Variants in TMEM134 observed in about 807,000 individuals in gnomAD.
TMEM134 encodes the protein transmembrane protein 134.
Under a neutral mutation model 26.2 loss-of-function variants are expected in TMEM134, and 36 were observed. The ratio of observed to expected loss-of-function variants is 1.37; its 90% CI spans 1.05 to 1.81. TMEM134 has a LOEUF of 1.81. Ranked by LOEUF, TMEM134 falls within the 40% of genes most tolerant of loss-of-function variation. TMEM134 has a pLI of 0.00. For synonymous variants in TMEM134, 133 were observed against 113.6 expected (o/e 1.17, Z -1.08); for missense variants, 339 against 263.5 (o/e 1.29, Z -1.98).
In TMEM134 at chr11:67,469,072, G is replaced by A; in HGVS notation, c.121C>T (p.Arg41Trp). 1 of 1,515,868 alleles carries A rather than the reference G, an allele frequency of 6.6e-7. No individual in the cohort carries two copies. The highest frequency in any genetic ancestry group is 1.2e-5 in the South Asian group (1 of 82,292). 93.9% of individuals were successfully genotyped at this position (1,515,868 alleles called of 1,614,324 possible). A position where few individuals can be genotyped will look rare whatever the true frequency, so the allele number is the denominator to read the frequency against. The change falls in exon 1 of 7, where the codon CGG becomes TGG. Residue 41 changes from arginine to tryptophan, a missense_variant. Physicochemically the swap from Arg to Trp is moderately radical, Grantham distance 101 (BLOSUM62 -3). Transcript: ENST00000308022. ...TCGTCAGCCACCTCGAACCGGGCCC[G>A]ACGCTCGAAGTGCAGCGGCCCAAAG... The part of the protein sequence containing the change: ...ARFGPLHFER[R>W]ARFEVADEDK...
intron 4 of TMEM134, 117 bp from the exon 5 acceptor site, chr11:67,465,217 C>T: frequency 6.5e-7 from 1 of 1,529,688 alleles, no homozygotes; most frequent in Non-Finnish European, 8.7e-7. Flanking sequence ...CAGAGACCCT[C>T]CCCAGGAAGC....
At chr11:67,468,806 C>T (rs548645402) in intron 1 of TMEM134, among the ~76,000 whole-genome samples, 3 of 152,292 alleles carry the variant, frequency 2.0e-5, no homozygotes, top group African/African-American at 7.2e-5. Flanking sequence ...GGCCCGGGCA[C>T]TGGGCTCTTC....
At chr11:67,467,934 G>GA in intron 2 of TMEM134, 94 bp downstream of exon 2, 1 of 1,164,342 alleles carries the variant, frequency 8.6e-7, no homozygotes, top group Non-Finnish European at 1.2e-6. Flanking sequence ...CGGGATGGAA[G>GA]AGAGTGAGTG....
At position 67,469,213 on chromosome 11, in the gene TMEM134, CCGT is replaced by C; in HGVS notation, c.-24_-22del. The stretch of plus-strand genomic sequence containing the variant: ...CTCATGGCCCCGGCCCGCTCAGGCG[CCGT>C]GCGCCGCCGCCATCTGCGCCCACAC... On this transcript the variant is annotated 5_prime_UTR_variant, in exon 1 of 7. Coordinates refer to ENST00000308022, the MANE Select transcript of TMEM134 (RefSeq NM_025124.4). 3.2e-6 allele frequency: 4 copies of C among 1,259,668 alleles called. No homozygotes were observed. Among genetic ancestry groups the C allele is most frequent in the African/African-American group, 1.6e-5 (1 of 64,374 alleles). 78.0% of individuals were successfully genotyped at this position (1,259,668 alleles called of 1,614,324 possible). A position where few individuals can be genotyped will look rare whatever the true frequency, so the allele number is the denominator to read the frequency against.
In TMEM134 at chr11:67,467,545, G is replaced by GAGCCTGCA. The variant is rs1298814716; in HGVS notation, c.284_285insTGCAGGCT (p.Thr96AlafsTer24). On this transcript the variant is annotated frameshift_variant, in exon 3 of 7. Coordinates refer to ENST00000308022, the MANE Select transcript of TMEM134 (RefSeq NM_025124.4). LOFTEE classifies it high-confidence loss of function. ...AGCGCTGGGTGCTGCTGCTGATGGT[G>GAGCCTGCA]CTGAAGGACCACTGGGAGCTGCGGA... 24 of 1,613,988 alleles carry GAGCCTGCA rather than the reference G, an allele frequency of 1.5e-5. No homozygotes were observed. Among genetic ancestry groups the GAGCCTGCA allele is most frequent in the Non-Finnish European group, 3.4e-6 (4 of 1,180,034 alleles).
chr11:67,464,405 GC>G lies in TMEM134; in HGVS notation c.*208del, dbSNP rs576673667. 3.8e-3 allele frequency: 2,294 copies of G among 611,212 alleles called. 8 individuals are homozygous for G. The highest frequency in any genetic ancestry group is 6.3e-3 in the Middle Eastern group (15 of 2,378). 37.9% of individuals were successfully genotyped at this position (611,212 alleles called of 1,614,324 possible). A position where few individuals can be genotyped will look rare whatever the true frequency, so the allele number is the denominator to read the frequency against. The stretch of plus-strand genomic sequence containing the variant: ...AGCACAAAATAACAGCAACCTAGCA[GC>G]CGCACGGCCCGAGAATAAGTTAAGG... On this transcript the variant is annotated 3_prime_UTR_variant, in exon 7 of 7. Coordinates refer to ENST00000308022, the MANE Select transcript of TMEM134 (RefSeq NM_025124.4).
rs1297390350 is a variant in TMEM134, at chr11:67,463,549, TTTC to T, written c.*1062_*1064del. ...GTGCTTAGCGCAGGGCCTAGTATAT[TTTC>T]TTTTCTTTTTTTTTTTTTAAATAGA... On this transcript the variant is annotated 3_prime_UTR_variant, in exon 7 of 7. Coordinates refer to ENST00000308022, the MANE Select transcript of TMEM134 (RefSeq NM_025124.4). 1 of 122,490 alleles carries T rather than the reference TTTC, an allele frequency of 8.2e-6. No homozygotes were observed. The highest frequency in any genetic ancestry group is 1.6e-5 in the Non-Finnish European group (1 of 61,970). The allele number at this position is 122,490 out of a possible 1,614,324, so 7.6% of individuals were successfully genotyped here. A position where few individuals can be genotyped will look rare whatever the true frequency, so the allele number is the denominator to read the frequency against.
At chr11:67,468,956 T>C in intron 1 of TMEM134, 63 bp downstream of exon 1, 2 of 1,388,424 alleles carry the variant, frequency 1.4e-6, no homozygotes, top group Non-Finnish European at 1.9e-6. Context: ...TTGAGGCCTT[T>C]GGGGCCCGGC....
rs200668561 is a variant in TMEM134 at position 67,465,102 on chromosome 11, T to G, written c.407-2A>C. On this transcript the variant is annotated splice_acceptor_variant, in intron 4 of 6. Coordinates refer to ENST00000308022, the MANE Select transcript of TMEM134 (RefSeq NM_025124.4). LOFTEE classifies it high-confidence loss of function. ...GTCCCACGCCGACCAGGATCAGCAC[T>G]GCACACAGACGGAGCCGCGGGGGTG... The G allele has an allele frequency of 1.3e-5, 21 of 1,583,758 alleles. No individual in the cohort carries two copies. Among genetic ancestry groups the G allele is most frequent in the Non-Finnish European group, 1.8e-5 (21 of 1,169,286 alleles).
chr11:67,468,782 G>T (rs1865453214), intron 1 of TMEM134, among the ~76,000 whole-genome samples: 1 of 152,208 alleles, frequency 6.6e-6, no homozygotes, highest in Non-Finnish European at 1.5e-5. Context: ...CTGGAGCTGA[G>T]GGATGAGCTC....
Position 67,464,502 on chromosome 11 carries a change from T to TA in TMEM134, c.*111dup. On this transcript the variant is annotated 3_prime_UTR_variant, in exon 7 of 7. Transcript: ENST00000308022. ...CCCCGAACTTCCTGAGCAAACTCCC[T>TA]AGGGGCTGGGGTTTCGAGGGTCCTG... is the stretch of plus-strand genomic sequence containing the variant. 8.5e-7 allele frequency: 1 copy of TA among 1,172,468 alleles called. No homozygotes were observed. Among genetic ancestry groups the TA allele is most frequent in the Non-Finnish European group, 1.2e-6 (1 of 810,600 alleles). The allele number at this position is 1,172,468 out of a possible 1,614,324, so 72.6% of individuals were successfully genotyped here.
Position 67,465,199 on chromosome 11 carries a change from G to A in TMEM134, c.407-99C>T, listed in dbSNP as rs754748575. The A allele has an allele frequency of 1.0e-5, 16 of 1,533,466 alleles. No homozygotes were observed. In the East Asian group the frequency reaches 3.2e-4, roughly 31 times the overall value. The allele number at this position is 1,533,466 out of a possible 1,614,324, so 95.0% of individuals were successfully genotyped here. A position where few individuals can be genotyped will look rare whatever the true frequency, so the allele number is the denominator to read the frequency against. The stretch of plus-strand genomic sequence containing the variant: ...CTCACCCACCACCTGAGCTGAAGGT[G>A]CCCTAGGCAGAGACCCTCCCCAGGA... On this transcript the variant is annotated intron_variant, in intron 4 of 6. Coordinates refer to ENST00000308022, the MANE Select transcript of TMEM134 (RefSeq NM_025124.4).
At chr11:67,465,553 G>C (rs1401060093) in intron 4 of TMEM134, among the ~76,000 whole-genome samples, 1 of 142,778 alleles carries the variant, frequency 7.0e-6, no homozygotes, top group South Asian at 2.4e-4. Context: ...CTGGACTTTG[G>C]GCTCTGCAAC....
Position 67,465,118 on chromosome 11 carries a change from C to T in TMEM134, c.407-18G>A, listed in dbSNP as rs1335691011. 1 of 1,567,530 alleles carries T rather than the reference C, an allele frequency of 6.4e-7. No individual in the cohort carries two copies. Among genetic ancestry groups the T allele is most frequent in the Non-Finnish European group, 8.6e-7 (1 of 1,162,130 alleles). On this transcript the variant is annotated intron_variant, in intron 4 of 6. Transcript: ENST00000308022. ...GATCAGCACTGCACACAGACGGAGC[C>T]GCGGGGGTGGGGGCAGGAGCAGTGG... is the stretch of plus-strand genomic sequence containing the variant.
chr11:67,464,890 G>A (rs1210970016), intron 5 of TMEM134, 34 bp from the exon 6 acceptor site: 1 of 1,607,444 alleles, frequency 6.2e-7, no homozygotes, highest in Non-Finnish European at 8.5e-7. Flanking sequence ...TCAGGGCGAG[G>A]GGGCGGAGGC....
At position 67,463,543 on chromosome 11, in the gene TMEM134, G is replaced by A. The variant is rs1329891171; in HGVS notation, c.*1071C>T. ...TGTTCAGTGCTTAGCGCAGGGCCTAGTATATTTTCTTTTCTTTTTTTTTTT... is the reference window on the plus strand; with the variant it reads ...TGTTCAGTGCTTAGCGCAGGGCCTAATATATTTTCTTTTCTTTTTTTTTTT... On this transcript the variant is annotated 3_prime_UTR_variant, in exon 7 of 7. Coordinates refer to ENST00000308022, the MANE Select transcript of TMEM134 (RefSeq NM_025124.4). 7.1e-6 allele frequency: 1 copy of A among 141,472 alleles called. No individual in the cohort carries two copies. Among genetic ancestry groups the A allele is most frequent in the African/African-American group, 2.9e-5 (1 of 34,514 alleles). The allele number at this position is 141,472 out of a possible 1,614,324, so 8.8% of individuals were successfully genotyped here.
intron 4 of TMEM134, 106 bp downstream of exon 4, chr11:67,467,206 C>T: frequency 9.2e-7 from 1 of 1,085,566 alleles, no homozygotes; most frequent in Non-Finnish European, 1.4e-6. Flanking sequence ...GCTGCCTCCT[C>T]AGGATGCTGG....
At chr11:67,468,210 C>A (rs1591026145) in intron 1 of TMEM134, 118 bp from the exon 2 acceptor site, 3 of 919,340 alleles carry the variant, frequency 3.3e-6, no homozygotes, top group African/African-American at 3.3e-5. Context: ...CAGCTGTTCA[C>A]CTGGCCCTCT....
rs1462361833 is a variant in TMEM134 at position 67,464,813 on chromosome 11, C to T, written c.495G>A (p.Leu165=). The change falls in exon 6 of 7, where the codon TTG becomes TTA. Residue 165 remains leucine, a synonymous_variant. Coordinates refer to ENST00000308022, the MANE Select transcript of TMEM134 (RefSeq NM_025124.4). The stretch of plus-strand genomic sequence containing the variant: ...GGTGCCCGCTCGCACCTCCAGGCAC[C>T]AACAACAGGAAGCCCGGCACGAAGA... The part of the protein sequence containing the change: ...AIFFVPGFLL[L]VPGVYHVIFI... 4 of 1,609,558 alleles carry T rather than the reference C, an allele frequency of 2.5e-6. No individual in the cohort carries two copies. The highest frequency in any genetic ancestry group is 1.3e-5 in the African/African-American group (1 of 74,836).
Sources: gnomAD v4.1 joint callset for allele counts (sites outside exome capture counted in the v4.1 genomes callset) on GRCh38, gnomAD v4.1.1 for gene constraint, MANE v1.5 for transcripts, NCBI Gene and HGNC (gene_info 2026-07-23, HGNC 2026-07-21) for gene names.